E2F7: variants seen among roughly 807,000 people sequenced by gnomAD.
The protein encoded by E2F7 is transcription factor E2F7.
A neutral mutation model predicts 81.1 loss-of-function variants in E2F7; 35 were observed. The observed-to-expected ratio is 0.43, with a 90% CI of 0.33 to 0.57. E2F7 has a LOEUF of 0.57. Ranked by LOEUF, E2F7 falls within the 20% of genes least tolerant of loss-of-function variation. The probability of loss-of-function intolerance (pLI) is 0.04; values close to 1 mark genes in which losing one functional copy is unlikely to be tolerated. For synonymous variants in E2F7, 416 were observed against 416.2 expected (o/e 1.00, Z 0.01); for missense variants, 961 against 1,093.7 (o/e 0.88, Z 1.71).
chr12:77,027,734 A>T, intron 11 of E2F7, 149 bp downstream of exon 11: 1 of 1,064,590 alleles, frequency 9.4e-7, no homozygotes, highest in Non-Finnish European at 1.3e-6. Flanking sequence ...CCCTTCATTT[A>T]TAGATGGAGA....
intron 5 of E2F7, chr12:77,045,796 T>C: frequency 2.1e-6 from 1 of 483,948 alleles, no homozygotes; most frequent in Non-Finnish European, 3.6e-6. Flanking sequence ...GTAATGCTAG[T>C]GATCTATTCT....
rs1323630938 is a variant in E2F7 at position 77,021,961 on chromosome 12, C to T, written c.*2054G>A. On this transcript the variant is annotated 3_prime_UTR_variant, in exon 13 of 13. Coordinates refer to ENST00000322886, the MANE Select transcript of E2F7 (RefSeq NM_203394.3). ...AATGGTCACCAAGTCATAATATCCT[C>T]ACCAATGGGACTGCTTCTTAACACC... The T allele has an allele frequency of 6.6e-6, 1 of 152,170 alleles. No homozygotes were observed. The highest frequency in any genetic ancestry group is 1.5e-5 in the Non-Finnish European group (1 of 68,038). The allele number at this position is 152,170 out of a possible 1,614,324, so 9.4% of individuals were successfully genotyped here. A position where few individuals can be genotyped will look rare whatever the true frequency, so the allele number is the denominator to read the frequency against.
Position 77,030,210 on chromosome 12 carries a change from A to G in E2F7, c.1505T>C (p.Phe502Ser). 5 of 1,614,138 alleles carry G rather than the reference A, an allele frequency of 3.1e-6. No homozygotes were observed. Among genetic ancestry groups the G allele is most frequent in the Non-Finnish European group, 4.2e-6 (5 of 1,179,998 alleles). ...YCVNPLAHPV[F>S]SVAQTDLQAF... is the part of the protein sequence containing the mutation. Reference sequence around the variant, plus strand: ...CTGCAGGTCCGTCTGAGCAACAGAAAATACTGGGTGGGCTAAAGGATTAAC... The same window carrying G: ...CTGCAGGTCCGTCTGAGCAACAGAAGATACTGGGTGGGCTAAAGGATTAAC... The change falls in exon 10 of 13, where the codon TTT becomes TCT. Residue 502 changes from phenylalanine (F) to serine (S), a missense_variant. By Grantham distance (155) the Phe-to-Ser change is radical. This residue lies in a region of E2F7 where 587 missense variants were observed against 620.3 expected (regional missense o/e 0.95). Coordinates refer to ENST00000322886, the MANE Select transcript of E2F7 (RefSeq NM_203394.3).
rs551672432 is a variant in E2F7 at position 77,057,715 on chromosome 12, C to T, written c.94-1585G>A. On this transcript the variant is annotated intron_variant, in intron 2 of 12. Transcript: ENST00000322886. ...CTTTGGAACTAACAAGTAATTAAAACGTATCTTTCCCCTAAAAAAGTTTCA... is the reference window on the plus strand; with the variant it reads ...CTTTGGAACTAACAAGTAATTAAAATGTATCTTTCCCCTAAAAAAGTTTCA... Among the ~76,000 whole-genome samples, 118 of 152,256 alleles carry T rather than the reference C, an allele frequency of 7.8e-4. 1 individual carries two copies. The highest frequency in any genetic ancestry group is 1.6e-3 in the Admixed American group (25 of 15,296).
chr12:77,047,368 C>T (rs1454998249), intron 4 of E2F7, among the ~76,000 whole-genome samples: 3 of 152,168 alleles, frequency 2.0e-5, no homozygotes, highest in African/African-American at 7.2e-5. Flanking sequence ...ATTTTAAATA[C>T]ATACTTTTGT....
At chr12:77,031,470 G>A (rs1321536717) in intron 9 of E2F7, among the ~76,000 whole-genome samples, 8 of 151,920 alleles carry the variant, frequency 5.3e-5, no homozygotes, top group African/African-American at 1.7e-4. Flanking sequence ...GCGAAACCCC[G>A]TGTCTACTAA....
chr12:77,054,053 A>C (rs1402919802), intron 3 of E2F7, among the ~76,000 whole-genome samples: 1 of 152,140 alleles, frequency 6.6e-6, no homozygotes, highest in Admixed American at 6.6e-5. Flanking sequence ...GAAGGGAACA[A>C]TAGACACCAG....
chr12:77,053,105 T>A (rs1442865329), intron 3 of E2F7, among the ~76,000 whole-genome samples: 1 of 152,202 alleles, frequency 6.6e-6, no homozygotes, highest in Non-Finnish European at 1.5e-5. Flanking sequence ...GGCATTATCT[T>A]GTGAACATCT....
In E2F7 at chr12:77,033,036, T is replaced by A; in HGVS notation, c.1382+14A>T. 1 of 1,609,528 alleles carries A rather than the reference T, an allele frequency of 6.2e-7. No individual in the cohort carries two copies. The highest frequency in any genetic ancestry group is 8.5e-7 in the Non-Finnish European group (1 of 1,178,066). ...TAGAAAAGAATACACTCTGAGCTTT[T>A]ATAGACTACTTACTGTGAATTGTCT... On this transcript the variant is annotated intron_variant, in intron 9 of 12. Transcript: ENST00000322886.
intron 4 of E2F7, among the ~76,000 whole-genome samples, chr12:77,048,221 C>T (rs1954959101): frequency 6.6e-6 from 1 of 152,168 alleles, no homozygotes; most frequent in Admixed American, 6.5e-5. Context: ...CTAAAAAGTT[C>T]CACTTCACAG....
intron 7 of E2F7, among the ~76,000 whole-genome samples, chr12:77,034,430 T>C (rs533501073): frequency 1.3e-5 from 2 of 152,348 alleles, no homozygotes; most frequent in East Asian, 3.9e-4. Flanking sequence ...TGAGATTCAC[T>C]TTCAAGATTA....
chr12:77,030,210 A>C lies in E2F7; in HGVS notation c.1505T>G (p.Phe502Cys). The stretch of plus-strand genomic sequence containing the variant: ...CTGCAGGTCCGTCTGAGCAACAGAA[A>C]ATACTGGGTGGGCTAAAGGATTAAC... ...YCVNPLAHPV[F>C]SVAQTDLQAF... Residue 502 changes from phenylalanine (F) to cysteine (C), a missense_variant, in exon 10 of 13, where the codon TTT becomes TGT. By Grantham distance (205) the Phe-to-Cys change is radical. Around this residue, in one of 3 missense-constraint regions of E2F7, gnomAD observed 587 missense variants for 620.3 expected, o/e 0.95. Transcript: ENST00000322886. 1 of 1,614,138 alleles carries C rather than the reference A, an allele frequency of 6.2e-7. No homozygotes were observed. Among genetic ancestry groups the C allele is most frequent in the South Asian group, 1.1e-5 (1 of 91,070 alleles).
Position 77,030,024 on chromosome 12 carries a change from C to A in E2F7, c.1691G>T (p.Gly564Val). The change falls in exon 10 of 13, where the codon GGA (glycine) becomes GTA (valine). Residue 564 changes from glycine (G) to valine (V), a missense_variant. Around this residue, in one of 3 missense-constraint regions of E2F7, gnomAD observed 587 missense variants for 620.3 expected, o/e 0.95. Coordinates refer to ENST00000322886, the MANE Select transcript of E2F7 (RefSeq NM_203394.3). ...LFMLYGSLQEGPASGSGSERD... is the reference protein window; with the variant it reads ...LFMLYGSLQEVPASGSGSERD... ...CTCTGACCCTGACCCTGACGCTGGTCCCTCCTGCAGACTTCCATACAGCAT... is the reference window on the plus strand; with the variant it reads ...CTCTGACCCTGACCCTGACGCTGGTACCTCCTGCAGACTTCCATACAGCAT... 2 of 1,614,156 alleles carry A rather than the reference C, an allele frequency of 1.2e-6. No homozygotes were observed. Among genetic ancestry groups the A allele is most frequent in the South Asian group, 2.2e-5 (2 of 91,078 alleles).
intron 1 of E2F7, among the ~76,000 whole-genome samples, chr12:77,065,017 G>C (rs971760577): frequency 6.6e-6 from 1 of 152,196 alleles, no homozygotes; most frequent in Admixed American, 6.5e-5. Flanking sequence ...GGCTTTGAGG[G>C]GTTTTGAATC....
chr12:77,029,749 T>G (rs1449393474), intron 10 of E2F7, 82 bp downstream of exon 10: 1 of 1,556,380 alleles, frequency 6.4e-7, no homozygotes, highest in Non-Finnish European at 8.7e-7. Flanking sequence ...CTCCATTGCT[T>G]ATTAATATCA....
rs1305379684 is a variant in E2F7 at position 77,043,168 on chromosome 12, A to G, written c.1020T>C (p.Asn340=). The G allele has an allele frequency of 8.7e-6, 14 of 1,614,010 alleles. No individual in the cohort carries two copies. The highest frequency in any genetic ancestry group is 1.2e-5 in the Non-Finnish European group (14 of 1,180,016). Residue 340 remains asparagine, a synonymous_variant, in exon 7 of 13, where the codon AAT becomes AAC. Coordinates refer to ENST00000322886, the MANE Select transcript of E2F7 (RefSeq NM_203394.3). ...TKVRRLYDIA[N]VLTSLALIKK... is the part of the protein sequence containing the mutation. ...TTATCAGAGCCAAGCTGGTCAGAAC[A>G]TTGGCTATGTCATAGAGGCGTCGTA...
chr12:77,029,858 G>C lies in E2F7; in HGVS notation c.1857C>G (p.Asp619Glu). 1 of 1,614,228 alleles carries C rather than the reference G, an allele frequency of 6.2e-7. No homozygotes were observed. The highest frequency in any genetic ancestry group is 1.1e-5 in the South Asian group (1 of 91,090). The change falls in exon 10 of 13, where the codon GAC becomes GAG. Residue 619 changes from aspartate to glutamate, a missense_variant. By Grantham distance (45) the Asp-to-Glu change is conservative. Transcript: ENST00000322886. The part of the protein sequence containing the change: ...ATKRQSREYE[D>E]GPLSLVMPKK... ...TGGGCATGACAAGCGACAGCGGGCC[G>C]TCTTCATATTCCCTACTTTGCCTTT...
At chr12:77,033,793 C>A in intron 8 of E2F7, 64 bp downstream of exon 8, 1 of 1,450,030 alleles carries the variant, frequency 6.9e-7, no homozygotes, top group South Asian at 1.5e-5. Flanking sequence ...GTGGGTGCTG[C>A]ACTGGCATGG....
At chr12:77,037,486 A>T (rs1430930042) in intron 7 of E2F7, among the ~76,000 whole-genome samples, 1 of 152,224 alleles carries the variant, frequency 6.6e-6, no homozygotes, top group African/African-American at 2.4e-5. Context: ...CATATATAGC[A>T]GTAAAATGTT....
Sources: gnomAD v4.1 joint callset for allele counts (sites outside exome capture counted in the v4.1 genomes callset) on GRCh38, gnomAD v4.1.1 for gene constraint, gnomAD v4.1.1 regional missense constraint, MANE v1.5 for transcripts, NCBI Gene and HGNC (gene_info 2026-07-23, HGNC 2026-07-21) for gene names.